CSMD3: variants seen among roughly 807,000 people sequenced by gnomAD.
The protein encoded by CSMD3 is CUB and Sushi multiple domains 3.
CSMD3 carries 177 observed loss-of-function variants against 435.2 expected under a neutral mutation model. That is an observed-to-expected ratio of 0.41 (90% confidence interval 0.36 to 0.46). The LOEUF is 0.46. Ranked by LOEUF, CSMD3 falls within the 20% of genes least tolerant of loss-of-function variation. The probability of loss-of-function intolerance (pLI) is 0.34; values close to 1 mark genes in which losing one functional copy is unlikely to be tolerated. For synonymous variants in CSMD3, 1,656 were observed against 1,520.5 expected, an observed-to-expected ratio of 1.09 and a Z score of -2.07; for missense variants, 4,265 against 4,504.6, an observed-to-expected ratio of 0.95 and a Z score of 1.52.
At chr8:113,334,138 TGTAGA>T (rs938357685) in intron 1 of CSMD3, among the ~76,000 whole-genome samples, 122 of 152,060 alleles carry the variant, frequency 8.0e-4, no homozygotes, top group African/African-American at 2.3e-3. Flanking sequence ...AACTCACTTA[TGTAGA>T]GTAGTCTTTC....
chr8:113,328,395 G>A (rs1385569473), intron 1 of CSMD3, among the ~76,000 whole-genome samples: 1 of 142,972 alleles, frequency 7.0e-6, no homozygotes, highest in African/African-American at 2.6e-5. Context: ...CCGAGATCCC[G>A]CCACTGCACT....
intron 3 of CSMD3, among the ~76,000 whole-genome samples, chr8:113,260,027 A>G (rs972895355): frequency 1.3e-5 from 2 of 152,192 alleles, no homozygotes; most frequent in East Asian, 3.9e-4. Flanking sequence ...CTCAGCCCTC[A>G]TTCTTTCTTC....
chr8:112,858,340 C>A (rs1340894150), intron 11 of CSMD3, among the ~76,000 whole-genome samples: 2 of 151,696 alleles, frequency 1.3e-5, no homozygotes, highest in Admixed American at 1.3e-4. Flanking sequence ...TTAAAGTTAT[C>A]TGAAAATTAT....
chr8:113,066,543 C>T (rs1467885835), intron 5 of CSMD3, among the ~76,000 whole-genome samples: 1 of 151,982 alleles, frequency 6.6e-6, no homozygotes, highest in Non-Finnish European at 1.5e-5. Context: ...TAATTTCTGC[C>T]TTTTAAATTA....
At chr8:112,845,826 G>T (rs1413740429) in intron 11 of CSMD3, among the ~76,000 whole-genome samples, 2 of 151,994 alleles carry the variant, frequency 1.3e-5, no homozygotes. Flanking sequence ...TAAATATAAT[G>T]AAGTCATTGG....
intron 4 of CSMD3, among the ~76,000 whole-genome samples, chr8:113,117,031 GA>G (rs1204076604): frequency 1.3e-5 from 2 of 152,166 alleles, no homozygotes; most frequent in Admixed American, 6.5e-5. Context: ...TGACAGAAAA[GA>G]AAGACCCATT....
rs747348843 is a variant in CSMD3, at chr8:112,587,227, C to G, written c.3724G>C (p.Gly1242Arg). ...APLPRCVAEC[G>R]ASATNNEGIL... ...CCTTCATTATTCGTTGCAGATGCACCACATTCAGCTGCAGGTAAAACAGAA... is the reference window on the plus strand; with the variant it reads ...CCTTCATTATTCGTTGCAGATGCACGACATTCAGCTGCAGGTAAAACAGAA... Residue 1242 changes from glycine (G) to arginine (R), a missense_variant, in exon 23 of 71, where the codon GGT (glycine) becomes CGT (arginine). Around this residue, in one of 3 missense-constraint regions of CSMD3, gnomAD observed 3,255 missense variants for 3,380.2 expected, o/e 0.96. Transcript: ENST00000297405. The G allele has an allele frequency of 6.2e-7, 1 of 1,606,650 alleles. No homozygotes were observed. Among genetic ancestry groups the G allele is most frequent in the Non-Finnish European group, 8.5e-7 (1 of 1,174,344 alleles).
intron 9 of CSMD3, among the ~76,000 whole-genome samples, chr8:112,944,795 T>G (rs1247995913): frequency 6.6e-6 from 1 of 151,590 alleles, no homozygotes; most frequent in African/African-American, 2.4e-5. Flanking sequence ...TGGTCTCTCA[T>G]GAGCAGGATT....
intron 10 of CSMD3, among the ~76,000 whole-genome samples, chr8:112,905,920 G>A (rs1174167567): frequency 6.6e-6 from 1 of 151,350 alleles, no homozygotes; most frequent in Non-Finnish European, 1.5e-5. Context: ...CATGAATGGC[G>A]CGAGTCTTTG....
intron 3 of CSMD3, among the ~76,000 whole-genome samples, chr8:113,204,773 A>T (rs1282280598): frequency 6.6e-6 from 1 of 152,200 alleles, no homozygotes; most frequent in Non-Finnish European, 1.5e-5. Flanking sequence ...TGCAGTATTC[A>T]GTATGGTAAC....
chr8:113,017,165 T>C (rs866148715), intron 6 of CSMD3, among the ~76,000 whole-genome samples: 26 of 151,992 alleles, frequency 1.7e-4, no homozygotes, highest in Admixed American at 1.5e-3. Context: ...TTGTACCTCA[T>C]AAAACACATC....
intron 4 of CSMD3, among the ~76,000 whole-genome samples, chr8:113,120,109 C>A (rs906679775): frequency 7.9e-5 from 12 of 151,824 alleles, no homozygotes; most frequent in Admixed American, 3.3e-4. Context: ...CACATATATA[C>A]ACATACTCCA....
intron 3 of CSMD3, among the ~76,000 whole-genome samples, chr8:113,260,271 T>G (rs929024707): frequency 2.0e-5 from 3 of 152,168 alleles, no homozygotes; most frequent in Non-Finnish European, 2.9e-5. Flanking sequence ...TACCTTGTTT[T>G]CTAATCCTAT....
chr8:112,911,591 C>A (rs1401732025), intron 10 of CSMD3, among the ~76,000 whole-genome samples: 1 of 150,210 alleles, frequency 6.7e-6, no homozygotes, highest in African/African-American at 2.4e-5. Context: ...ACATTTCCTT[C>A]TTTTTTAAGG....
intron 5 of CSMD3, among the ~76,000 whole-genome samples, chr8:113,071,543 T>C (rs2089121661): frequency 6.6e-6 from 1 of 151,726 alleles, no homozygotes. Context: ...GTAGATACAT[T>C]TTTTTATATC....
At chr8:113,419,074 C>T (rs565243119) in intron 1 of CSMD3, among the ~76,000 whole-genome samples, 1 of 150,160 alleles carries the variant, frequency 6.7e-6, no homozygotes, top group African/African-American at 2.4e-5. Flanking sequence ...AATATTTGTA[C>T]ATATTTAAAG....
chr8:113,062,765 T>G (rs1490835466), intron 5 of CSMD3, among the ~76,000 whole-genome samples: 1 of 151,862 alleles, frequency 6.6e-6, no homozygotes, highest in African/African-American at 2.4e-5. Context: ...TATTGTCTCT[T>G]TCTAAGCTGC....
In CSMD3 at chr8:112,755,640, T is replaced by C. The variant is rs1270901197; in HGVS notation, c.1972+44522A>G. Among the ~76,000 whole-genome samples the C allele has an allele frequency of 3.3e-5, 5 of 150,738 alleles. No homozygotes were observed. In the South Asian group the frequency reaches 6.3e-4, roughly 19 times the overall value. ...TATAAACAGGGTGAGAACGGACTAA[T>C]AGAGATCCTAACACCTAATTCCATC... On this transcript the variant is annotated intron_variant, in intron 13 of 70. Coordinates refer to ENST00000297405, the MANE Select transcript of CSMD3 (RefSeq NM_198123.2).
chr8:112,431,188 C>G (rs781184412), intron 32 of CSMD3, among the ~76,000 whole-genome samples: 18 of 152,040 alleles, frequency 1.2e-4, no homozygotes, highest in Non-Finnish European at 2.1e-4. Flanking sequence ...ACATTGATGT[C>G]TCCTTTTGGT....
Sources: allele counts gnomAD v4.1 joint callset (sites outside exome capture counted in the v4.1 genomes callset), GRCh38; gene constraint gnomAD v4.1.1; regional missense constraint gnomAD v4.1.1; transcripts MANE v1.5; gene names NCBI Gene and HGNC (gene_info 2026-07-23, HGNC 2026-07-21).